SAMTOR: variants seen among roughly 807,000 people sequenced by gnomAD.
SAMTOR encodes UPF0532 protein C7orf60.
the SAMTOR span, among the ~76,000 whole-genome samples, chr7:112,843,636 T>G: frequency 6.6e-6 from 1 of 151,918 alleles, no homozygotes; most frequent in Non-Finnish European, 1.5e-5. Context: ...GCTCTACAGT[T>G]GAATCAGTAA....
the SAMTOR span, among the ~76,000 whole-genome samples, chr7:112,886,331 T>C: frequency 6.6e-6 from 1 of 152,206 alleles, no homozygotes; most frequent in African/African-American, 2.4e-5. Context: ...TTTGGCAAAA[T>C]GGGCATTTAT....
chr7:112,927,680 T>C, the SAMTOR span, among the ~76,000 whole-genome samples: 3 of 152,038 alleles, frequency 2.0e-5, no homozygotes, highest in Admixed American at 1.3e-4. Context: ...ACGTTTTACT[T>C]TGACCAACTA....
At chr7:112,939,472 T>TG in the SAMTOR span, 1 of 1,469,812 alleles carries the variant, frequency 6.8e-7, no homozygotes. Flanking sequence ...CAGCAGCGGC[T>TG]GGGGGGACGT....
chr7:112,876,744 G>A, the SAMTOR span, among the ~76,000 whole-genome samples: 1 of 152,156 alleles, frequency 6.6e-6, no homozygotes, highest in African/African-American at 2.4e-5. Flanking sequence ...CAGAAACACA[G>A]GATGAATTGC....
the SAMTOR span, among the ~76,000 whole-genome samples, chr7:112,901,622 C>T: frequency 6.6e-6 from 1 of 152,186 alleles, no homozygotes; most frequent in African/African-American, 2.4e-5. Flanking sequence ...TTGTCTTCCA[C>T]AAAACCAGTC....
At chr7:112,835,964 A>G in the SAMTOR span, among the ~76,000 whole-genome samples, 2 of 152,004 alleles carry the variant, frequency 1.3e-5, no homozygotes, top group Non-Finnish European at 2.9e-5. Flanking sequence ...ATGTGTCTTT[A>G]TTGTAGAATG....
At chr7:112,832,825 A>G in the SAMTOR span, 2 of 580,770 alleles carry the variant, frequency 3.4e-6, no homozygotes, top group Non-Finnish European at 6.2e-6. Context: ...TCTGTGAGTT[A>G]TATCTATTAA....
the SAMTOR span, among the ~76,000 whole-genome samples, chr7:112,911,481 G>T: frequency 6.6e-6 from 1 of 152,030 alleles, no homozygotes. Context: ...GAGAAAAAGG[G>T]TATTTATGCC....
At chr7:112,883,241 A>G in the SAMTOR span, among the ~76,000 whole-genome samples, 4 of 152,078 alleles carry the variant, frequency 2.6e-5, no homozygotes, top group Non-Finnish European at 5.9e-5. Flanking sequence ...AACAATCTCA[A>G]GTAGATTGTT....
chr7:112,914,569 C>T, the SAMTOR span, among the ~76,000 whole-genome samples: 2 of 151,976 alleles, frequency 1.3e-5, no homozygotes, highest in South Asian at 4.2e-4. Flanking sequence ...AATATAAATG[C>T]TGGAATACCC....
the SAMTOR span, among the ~76,000 whole-genome samples, chr7:112,888,322 G>T: frequency 6.6e-6 from 1 of 152,044 alleles, no homozygotes; most frequent in African/African-American, 2.4e-5. Flanking sequence ...TTTTTAAATT[G>T]GTTAAGATGT....
chr7:112,935,008 T>A, the SAMTOR span, among the ~76,000 whole-genome samples: 1 of 152,212 alleles, frequency 6.6e-6, no homozygotes, highest in Admixed American at 6.5e-5. Flanking sequence ...TTTCATTATT[T>A]TTCTTCTGTT....
chr7:112,899,105 A>C, the SAMTOR span, among the ~76,000 whole-genome samples: 1,618 of 152,292 alleles, frequency 0.011, 29 homozygotes, highest in African/African-American at 0.037. Context: ...ATGAGGCACC[A>C]GTGACCAATC....
chr7:112,871,536 G>A, the SAMTOR span, among the ~76,000 whole-genome samples: 2 of 152,126 alleles, frequency 1.3e-5, no homozygotes, highest in African/African-American at 4.8e-5. Context: ...TAAGAGAAAA[G>A]TTTGTAGTGC....
At chr7:112,883,124 A>G in the SAMTOR span, among the ~76,000 whole-genome samples, 5 of 152,194 alleles carry the variant, frequency 3.3e-5, no homozygotes, top group African/African-American at 1.2e-4. Context: ...GAATGGAGAT[A>G]AGGCCTATAG....
At chr7:112,865,519 G>A in the SAMTOR span, among the ~76,000 whole-genome samples, 4 of 151,438 alleles carry the variant, frequency 2.6e-5, no homozygotes, top group Non-Finnish European at 4.4e-5. Context: ...CTTGTGATCC[G>A]CCCGCCTAGG....
the SAMTOR span, among the ~76,000 whole-genome samples, chr7:112,871,431 A>G: frequency 1.2e-4 from 19 of 152,206 alleles, no homozygotes; most frequent in Non-Finnish European, 2.4e-4. Context: ...TTTTGGGTAA[A>G]CAATGAAATT....
chr7:112,939,332 G>A, the SAMTOR span: 2 of 548,396 alleles, frequency 3.6e-6, no homozygotes, highest in East Asian at 6.5e-5. Context: ...GCTGGGGACA[G>A]GGGCTTGGAG....
chr7:112,929,264 A>C, the SAMTOR span, among the ~76,000 whole-genome samples: 1 of 151,954 alleles, frequency 6.6e-6, no homozygotes, highest in Non-Finnish European at 1.5e-5. Flanking sequence ...TAATCTGACT[A>C]AAAAATGGGC....
Sources: allele counts gnomAD v4.1 joint callset (sites outside exome capture counted in the v4.1 genomes callset), GRCh38; gene constraint gnomAD v4.1.1; transcripts MANE v1.5; gene names NCBI Gene and HGNC (gene_info 2026-07-23, HGNC 2026-07-21).